Variants in POLR3E observed in about 807,000 individuals in gnomAD.
POLR3E encodes the protein RNA polymerase III subunit E, also known as DNA-directed RNA polymerase III subunit RPC5.
POLR3E carries 41 observed loss-of-function variants against 96.6 expected under a neutral mutation model. The observed-to-expected ratio is 0.42, with a 90% CI of 0.33 to 0.55. The LOEUF (loss-of-function observed/expected upper bound fraction) is 0.55. Ranked by LOEUF, POLR3E falls within the 20% of genes least tolerant of loss-of-function variation. The probability of loss-of-function intolerance (pLI) is 0.06; values close to 1 mark genes in which losing one functional copy is unlikely to be tolerated. For synonymous variants in POLR3E, 396 were observed against 383.6 expected (o/e 1.03, Z -0.38); for missense variants, 849 against 952.1 (o/e 0.89, Z 1.43).
intron 12 of POLR3E, among the ~76,000 whole-genome samples, 178 bp downstream of exon 12, chr16:22,317,384 G>T (rs942395635): frequency 6.6e-6 from 1 of 152,240 alleles, no homozygotes; most frequent in Non-Finnish European, 1.5e-5. Context: ...AGTGCGGCCA[G>T]CTCCCGCAGG....
intron 13 of POLR3E, among the ~76,000 whole-genome samples, chr16:22,320,298 CTT>C (rs2048443104): frequency 6.6e-6 from 1 of 152,006 alleles, no homozygotes. Flanking sequence ...GTCTCTCTCT[CTT>C]GCCCAGGCTG....
At chr16:22,299,726 C>G (rs1002214219) in intron 1 of POLR3E, among the ~76,000 whole-genome samples, 1 of 151,510 alleles carries the variant, frequency 6.6e-6, no homozygotes, top group Non-Finnish European at 1.5e-5. Flanking sequence ...GTTTTCCCCC[C>G]AGTAGAGATC....
At chr16:22,316,536 G>A (rs561321646) in intron 9 of POLR3E, 65 bp from the exon 10 acceptor site, 5 of 1,303,884 alleles carry the variant, frequency 3.8e-6, no homozygotes, top group South Asian at 1.2e-5. Context: ...GGAGGCCTTG[G>A]GGGAGGGGGC....
chr16:22,318,103 T>G lies in POLR3E; in HGVS notation c.866-723T>G, dbSNP rs187800142. ...CCTTCCTGCAGAGGACTTCGAACTTTTTTTTTTTTTGAGACAGTCTTGCTC... is the reference window on the plus strand; with the variant it reads ...CCTTCCTGCAGAGGACTTCGAACTTGTTTTTTTTTTGAGACAGTCTTGCTC... On this transcript the variant is annotated intron_variant, in intron 12 of 20. Transcript: ENST00000299853. The surrounding 1 kb of genome is among the most constrained non-coding windows in gnomAD (Gnocchi z 5.0). Among the ~76,000 whole-genome samples the G allele has an allele frequency of 7.2e-5, 11 of 151,834 alleles. No homozygotes were observed. The East Asian group carries it at 2.1e-3, about 29-fold the overall frequency.
At position 22,313,001 on chromosome 16, in the gene POLR3E, G is replaced by A. The variant is rs551880866; in HGVS notation, c.365-619G>A. On this transcript the variant is annotated intron_variant, in intron 6 of 20. Transcript: ENST00000299853. The surrounding 1 kb of genome is among the most constrained non-coding windows in gnomAD (Gnocchi z 4.1). ...GATCAAAAGTAGTGTCATATAACTC[G>A]CGCGTTCTGTTTAGAACCCATGTCT... is the stretch of plus-strand genomic sequence containing the variant. Among the ~76,000 whole-genome samples, 211 of 151,678 alleles carry A rather than the reference G, an allele frequency of 1.4e-3. 2 individuals are homozygous for A. The highest frequency in any genetic ancestry group is 3.5e-4 in the Non-Finnish European group (24 of 67,972).
chr16:22,309,093 T>C (rs918978985), intron 5 of POLR3E, 53 bp downstream of exon 5: 1 of 1,274,526 alleles, frequency 7.8e-7, no homozygotes, highest in African/African-American at 1.5e-5. Flanking sequence ...CACAGGAGCC[T>C]CCAAAAGACC....
chr16:22,318,139 G>T lies in POLR3E; in HGVS notation c.866-687G>T, dbSNP rs12598327. ...GAGACAGTCTTGCTCTGTCACCCAG[G>T]CTGGAGTGCAGTGGCACAATCTCGG... On this transcript the variant is annotated intron_variant, in intron 12 of 20. Coordinates refer to ENST00000299853, the MANE Select transcript of POLR3E (RefSeq NM_018119.4). This position sits in a 1 kb window ranked among gnomAD's most constrained non-coding sequence, Gnocchi z 5.0. Among the ~76,000 whole-genome samples, 5,312 of 151,900 alleles carry T rather than the reference G, an allele frequency of 0.035. 189 individuals are homozygous for T. Among genetic ancestry groups the T allele is most frequent in the East Asian group, 0.11 (546 of 5,172 alleles).
In POLR3E at chr16:22,322,968, C is replaced by T. The variant is rs371409583; in HGVS notation, c.1068+37C>T. On this transcript the variant is annotated intron_variant, in intron 14 of 20. Coordinates refer to ENST00000299853, the MANE Select transcript of POLR3E (RefSeq NM_018119.4). This position sits in a 1 kb window ranked among gnomAD's most constrained non-coding sequence, Gnocchi z 5.2. ...GGGTTCTCTGGACTCACGGTGGGGG[C>T]GTGGGAAGAGGGGGGCAGCGGTGCA... 38 of 1,452,322 alleles carry T rather than the reference C, an allele frequency of 2.6e-5. No homozygotes were observed. The highest frequency in any genetic ancestry group is 1.8e-4 in the Middle Eastern group (1 of 5,704). 90.0% of individuals were successfully genotyped at this position (1,452,322 alleles called of 1,614,324 possible). A position where few individuals can be genotyped will look rare whatever the true frequency, so the allele number is the denominator to read the frequency against.
In POLR3E at chr16:22,333,660, A is replaced by C. The variant is rs34634941; in HGVS notation, c.2087A>C (p.Tyr696Ser). 6.2e-7 allele frequency: 1 copy of C among 1,611,794 alleles called. No individual in the cohort carries two copies. Among genetic ancestry groups the C allele is most frequent in the Non-Finnish European group, 8.5e-7 (1 of 1,177,988 alleles). Residue 696 changes from tyrosine to serine, a missense_variant, in exon 21 of 21, where the codon TAT (tyrosine) becomes TCT (serine). By Grantham distance (144) the Tyr-to-Ser change is moderately radical (BLOSUM62 -2). Transcript: ENST00000299853. ...CTCTCATAGGACTGCTGTGTAAGCTATGGTGGCATGTGGTACCTTAAAGGG... is the reference window on the plus strand; with the variant it reads ...CTCTCATAGGACTGCTGTGTAAGCTCTGGTGGCATGTGGTACCTTAAAGGG... The part of the protein sequence containing the change: ...DKVLKDCCVS[Y>S]GGMWYLKGTV...
chr16:22,301,204 G>C (rs1247127465), intron 1 of POLR3E, among the ~76,000 whole-genome samples: 1 of 152,196 alleles, frequency 6.6e-6, no homozygotes, highest in Non-Finnish European at 1.5e-5. Flanking sequence ...TTGGAGCAGA[G>C]AGGAGGGTAG....
At chr16:22,314,458 A>G (rs1460310553) in intron 8 of POLR3E, among the ~76,000 whole-genome samples, 2 of 152,194 alleles carry the variant, frequency 1.3e-5, no homozygotes, top group Admixed American at 1.3e-4. Flanking sequence ...CTGTGATTCT[A>G]TCCTCTTTAT....
intron 19 of POLR3E, chr16:22,328,826 C>T (rs1188344013): frequency 2.1e-6 from 1 of 482,960 alleles, no homozygotes; most frequent in Non-Finnish European, 3.8e-6. Flanking sequence ...CCATCAGAAT[C>T]ATCTTTTAAA....
intron 12 of POLR3E, among the ~76,000 whole-genome samples, chr16:22,317,580 CAG>C (rs1214254359): frequency 6.6e-6 from 1 of 151,892 alleles, no homozygotes. Context: ...TGTGAGGAAT[CAG>C]AGAGAGGAGG....
At chr16:22,305,464 A>T (rs1598238240) in intron 3 of POLR3E, 1 of 676,536 alleles carries the variant, frequency 1.5e-6, no homozygotes, top group African/African-American at 1.8e-5. Flanking sequence ...TTGAGATCCA[A>T]CTCCATCACA....
intron 10 of POLR3E, 135 bp from the exon 11 acceptor site, chr16:22,316,860 C>T: frequency 9.9e-7 from 1 of 1,013,914 alleles, no homozygotes; most frequent in South Asian, 1.3e-5. Flanking sequence ...CACTTTTCTG[C>T]AGGGGCTCAG....
At chr16:22,332,612 G>A (rs998259565) in intron 20 of POLR3E, among the ~76,000 whole-genome samples, 7 of 152,106 alleles carry the variant, frequency 4.6e-5, no homozygotes, top group African/African-American at 7.2e-5. Context: ...GTGGGTAGGC[G>A]TCTTCTAAAA....
At chr16:22,300,368 G>A (rs1038919761) in intron 1 of POLR3E, among the ~76,000 whole-genome samples, 1 of 152,180 alleles carries the variant, frequency 6.6e-6, no homozygotes, top group Non-Finnish European at 1.5e-5. Flanking sequence ...AGGATGAAGG[G>A]AGGTGACACT....
chr16:22,308,579 C>T (rs1027510894), intron 4 of POLR3E: 7 of 442,080 alleles, frequency 1.6e-5, no homozygotes, highest in Non-Finnish European at 2.9e-5. Context: ...ATGGAAGTGC[C>T]ATCCCAGTAT....
At chr16:22,308,384 C>G in intron 4 of POLR3E, 159 bp downstream of exon 4, 5 of 642,116 alleles carry the variant, frequency 7.8e-6, no homozygotes, top group Non-Finnish European at 1.4e-5. Context: ...TCCAGAAAGA[C>G]AGGGATGGGC....
Sources: allele counts gnomAD v4.1 joint callset (sites outside exome capture counted in the v4.1 genomes callset), GRCh38; gene constraint gnomAD v4.1.1; non-coding constraint Gnocchi (gnomAD v3.1); transcripts MANE v1.5; gene names NCBI Gene and HGNC (gene_info 2026-07-23, HGNC 2026-07-21).